Variants in PDE4DIP observed in about 807,000 individuals in gnomAD.
PDE4DIP encodes the protein phosphodiesterase 4D interacting protein, also known as myomegalin.
In PDE4DIP, 59 loss-of-function variants were observed where a neutral mutation model predicts 221.4. That is an observed-to-expected ratio of 0.27 (90% confidence interval 0.22 to 0.33). The LOEUF is 0.33. PDE4DIP is among the 10% of genes least tolerant of loss of function. The probability of loss-of-function intolerance (pLI) is 1.00; values close to 1 mark genes in which losing one functional copy is unlikely to be tolerated. For missense variants in PDE4DIP, 1,036 were observed against 2,154.2 expected (o/e 0.48, Z 10.28); for synonymous variants, 404 against 815.9 (o/e 0.50, Z 8.60).
intron 5 of PDE4DIP, chr1:148,952,140 T>C (rs1290406327): frequency 1.9e-6 from 2 of 1,030,534 alleles, no homozygotes; most frequent in African/African-American, 3.4e-5. Flanking sequence ...TTGAGGGCAC[T>C]GGTGCGACTT....
intron 1 of PDE4DIP, among the ~76,000 whole-genome samples, chr1:148,859,792 T>TGTGTG (rs1239476009): frequency 8.8e-6 from 1 of 113,074 alleles, no homozygotes. Flanking sequence ...TATTACCACT[T>TGTGTG]TGTGTGTGTG....
In PDE4DIP at chr1:149,028,553, T is replaced by TC. The variant is rs782468858; in HGVS notation, c.6670-3dup. ...CTCTCCGCTCCTGTGGTGTTACCTT[T>TC]CCCCAGGTGCTAGGCAGCAAAGGTA... is the stretch of plus-strand genomic sequence containing the variant. On this transcript the variant is annotated splice_region_variant and splice_polypyrimidine_tract_variant and intron_variant, in intron 40 of 43. Coordinates refer to ENST00000369354, the Ensembl canonical transcript of PDE4DIP. 1.9e-6 allele frequency: 3 copies of TC among 1,609,744 alleles called. No individual in the cohort carries two copies. The highest frequency in any genetic ancestry group is 2.5e-6 in the Non-Finnish European group (3 of 1,178,926).
intron 2 of PDE4DIP, among the ~76,000 whole-genome samples, chr1:148,867,563 T>C (rs587594509): frequency 1.4e-5 from 2 of 144,766 alleles, no homozygotes; most frequent in South Asian, 4.4e-4. Flanking sequence ...CTTGGTTCTT[T>C]CCTTGAGACT....
rs782351500 is a variant in PDE4DIP, at chr1:148,953,948, C to T, written c.637-6706C>T. On this transcript the variant is annotated intron_variant, in intron 5 of 43. Coordinates refer to ENST00000369354, the Ensembl canonical transcript of PDE4DIP. ...ATAGTGCCTTTCTGATTATAGCTAGCTGGCCTCTGGCTTCACGTGATTTCG... is the reference window on the plus strand; with the variant it reads ...ATAGTGCCTTTCTGATTATAGCTAGTTGGCCTCTGGCTTCACGTGATTTCG... The T allele has an allele frequency of 9.2e-6, 13 of 1,407,432 alleles. No homozygotes were observed. In the South Asian group the frequency reaches 1.2e-4, roughly 13 times the overall value. 87.2% of individuals were successfully genotyped at this position (1,407,432 alleles called of 1,614,324 possible).
chr1:148,881,571 A>ATT (rs3978552), intron 3 of PDE4DIP, among the ~76,000 whole-genome samples: 795 of 117,648 alleles, frequency 6.8e-3, no homozygotes, highest in Middle Eastern at 0.014. Flanking sequence ...GAAGAAAACA[A>ATT]TTTTTTTTTT....
intron 34 of PDE4DIP, among the ~76,000 whole-genome samples, 191 bp downstream of exon 37, chr1:149,018,070 G>A (rs1575459688): frequency 6.6e-6 from 1 of 152,306 alleles, no homozygotes; most frequent in Non-Finnish European, 1.5e-5. Flanking sequence ...AACTACGTCT[G>A]ATGCCCAGAG....
chr1:149,023,643 T>C lies in PDE4DIP; in HGVS notation c.6086-802T>C, dbSNP rs1476989179. Among the ~76,000 whole-genome samples, 269 of 130,718 alleles carry C rather than the reference T, an allele frequency of 2.1e-3. 20 individuals carry two copies. Among genetic ancestry groups the C allele is most frequent in the African/African-American group, 8.0e-3 (252 of 31,626 alleles). The allele number at this position is 130,718 out of a possible 152,430, so 85.8% of individuals were successfully genotyped here. ...ATATGTACATGTATATGTGTGCACA[T>C]ATATATGTACATGTATATGTGTGCA... On this transcript the variant is annotated intron_variant, in intron 37 of 43. Coordinates refer to ENST00000369354, the Ensembl canonical transcript of PDE4DIP.
At chr1:148,950,030 T>C (rs587644651) in intron 5 of PDE4DIP, among the ~76,000 whole-genome samples, 9 of 152,058 alleles carry the variant, frequency 5.9e-5, no homozygotes, top group Non-Finnish European at 7.4e-5. Flanking sequence ...TATACTGTCA[T>C]TACAATTTGG....
At chr1:148,952,044 G>A (rs1553489462) in intron 5 of PDE4DIP, 2 of 1,009,936 alleles carry the variant, frequency 2.0e-6, no homozygotes, top group East Asian at 1.4e-4. Flanking sequence ...GGAGGACGTG[G>A]CACTGTCCGA....
At chr1:148,961,190 C>T (rs1215018143) in intron 6 of PDE4DIP, among the ~76,000 whole-genome samples, 1 of 152,116 alleles carries the variant, frequency 6.6e-6, no homozygotes, top group Non-Finnish European at 1.5e-5. Context: ...CACCTGTAAT[C>T]CCACCTACTC....
Position 149,028,683 on chromosome 1 carries a change from CCTGTG to C in PDE4DIP, c.6797_6801del (p.Val2266AlafsTer31). Reference sequence around the variant, plus strand: ...AGCGGCCCTGCCAAGCACCCACATCCCTGTGCTGCCTGGCAAAGTGGTAAGATGCC... The same window carrying C: ...AGCGGCCCTGCCAAGCACCCACATCCCTGCCTGGCAAAGTGGTAAGATGCC... On this transcript the variant is annotated frameshift_variant, in exon 41 of 44. Coordinates refer to ENST00000369354, the Ensembl canonical transcript of PDE4DIP. LOFTEE classifies it high-confidence loss of function. The C allele has an allele frequency of 6.3e-7, 1 of 1,595,654 alleles. No individual in the cohort carries two copies. Among genetic ancestry groups the C allele is most frequent in the Non-Finnish European group, 8.5e-7 (1 of 1,171,056 alleles).
At chr1:148,870,729 TCATC>T (rs1553413117) in intron 3 of PDE4DIP, 2 of 283,594 alleles carry the variant, frequency 7.1e-6, no homozygotes, top group African/African-American at 4.4e-5. Flanking sequence ...TCATATCCAT[TCATC>T]CATCCTGTGG....
At chr1:148,975,726 C>T (rs1333590343) in intron 17 of PDE4DIP, among the ~76,000 whole-genome samples, 3 of 152,012 alleles carry the variant, frequency 2.0e-5, no homozygotes, top group Non-Finnish European at 4.4e-5. Context: ...CTCAGAGTTA[C>T]AGACTGAAAC....
In PDE4DIP at chr1:148,935,254, C is replaced by A. The variant is rs587617011; in HGVS notation, c.519-2493C>A. Among the ~76,000 whole-genome samples, 6 of 150,940 alleles carry A rather than the reference C, an allele frequency of 4.0e-5. No homozygotes were observed. The South Asian group carries it at 1.1e-3, about 27-fold the overall frequency. ...ACAACTGGAAACATTTCATTTAGTA[C>A]CCAGCAGATTTTCAAGGACCTGGAA... On this transcript the variant is annotated intron_variant, in intron 4 of 43. Transcript: ENST00000369354.
chr1:148,820,842 T>C (rs1392708019), intron 1 of PDE4DIP, among the ~76,000 whole-genome samples: 3 of 131,076 alleles, frequency 2.3e-5, no homozygotes, highest in Admixed American at 7.8e-5. Flanking sequence ...TATTTATTTA[T>C]TTATTTATTT....
At chr1:148,996,443 C>A (rs1553564646) in intron 22 of PDE4DIP, among the ~76,000 whole-genome samples, 5 of 152,348 alleles carry the variant, frequency 3.3e-5, no homozygotes, top group African/African-American at 1.2e-4. Context: ...GAGATGGCCA[C>A]CAGCCTGATT....
At chr1:149,032,106 A>G in exon 44 of PDE4DIP, 2 of 1,591,072 alleles carry the variant, frequency 1.3e-6, no homozygotes, top group Non-Finnish European at 1.7e-6. Flanking sequence ...TCTGGGCCTC[A>G]TTCCTCCAAG....
Position 148,990,284 on chromosome 1 carries a change from C to T in PDE4DIP, c.2816-1601C>T, listed in dbSNP as rs587633683. ...TGCCATAATGGAAGAAGACTGTGAG[C>T]TAGCTTAAAAAAGAGAGAATGAAGG... On this transcript the variant is annotated intron_variant, in intron 21 of 43. Coordinates refer to ENST00000369354, the Ensembl canonical transcript of PDE4DIP. The T allele has an allele frequency of 9.1e-6, 9 of 983,704 alleles. No homozygotes were observed. The East Asian group carries it at 1.0e-3, about 112-fold the overall frequency. The allele number at this position is 983,704 out of a possible 1,614,324, so 60.9% of individuals were successfully genotyped here.
At chr1:148,975,072 C>G (rs1382522981) in intron 17 of PDE4DIP, among the ~76,000 whole-genome samples, 2 of 141,586 alleles carry the variant, frequency 1.4e-5, no homozygotes, top group Admixed American at 7.1e-5. Flanking sequence ...TCGGGAGCCT[C>G]AGGCAGGAGA....
Sources: allele counts gnomAD v4.1 joint callset (sites outside exome capture counted in the v4.1 genomes callset), GRCh38; gene constraint gnomAD v4.1.1; transcripts MANE v1.5; gene names NCBI Gene and HGNC (gene_info 2026-07-23, HGNC 2026-07-21).